Variants in EXOC4 observed in about 807,000 individuals in gnomAD.
EXOC4 encodes SEC8-like 1.
EXOC4 carries 71 observed loss-of-function variants against 107.2 expected under a neutral mutation model. The ratio of observed to expected loss-of-function variants is 0.66; its 90% CI spans 0.55 to 0.81. The LOEUF (loss-of-function observed/expected upper bound fraction) is 0.81. Ranked by LOEUF, EXOC4 falls within the 30% of genes least tolerant of loss-of-function variation. The pLI is 0.00. For missense variants in EXOC4, 1,108 were observed against 1,189.6 expected, an observed-to-expected ratio of 0.93 and a Z score of 1.01; for synonymous variants, 456 against 441.2, an observed-to-expected ratio of 1.03 and a Z score of -0.42.
At chr7:133,933,739 C>G (rs1424473425) in intron 13 of EXOC4, among the ~76,000 whole-genome samples, 1 of 152,172 alleles carries the variant, frequency 6.6e-6, no homozygotes, top group African/African-American at 2.4e-5. Flanking sequence ...AGACCAGCTT[C>G]AGGCCAGTGC....
intron 17 of EXOC4, among the ~76,000 whole-genome samples, chr7:134,047,871 C>A (rs1039881526): frequency 2.6e-5 from 4 of 152,346 alleles, no homozygotes; most frequent in African/African-American, 9.6e-5. Context: ...CAAATAAAGA[C>A]CATGGCCTTG....
intron 5 of EXOC4, among the ~76,000 whole-genome samples, chr7:133,336,807 C>T (rs1795527300): frequency 6.6e-6 from 1 of 151,718 alleles, no homozygotes; most frequent in Non-Finnish European, 1.5e-5. Context: ...CATCTTGGCT[C>T]ACTGCAACCT....
chr7:133,383,542 C>A (rs1796663852), intron 7 of EXOC4, among the ~76,000 whole-genome samples: 1 of 152,132 alleles, frequency 6.6e-6, no homozygotes, highest in Non-Finnish European at 1.5e-5. Context: ...AAATTAACCT[C>A]TTGCAGAGAG....
rs1585032922 is a variant in EXOC4, at chr7:133,613,939, G to C, written c.1418-16106G>C. 2.6e-5 allele frequency among the ~76,000 whole-genome samples: 4 copies of C among 152,250 alleles called. No homozygotes were observed. The East Asian group carries it at 7.7e-4, about 29-fold the overall frequency. ...AAGGAAGGTGAAGGATGTAAAGCTG[G>C]AGAATTTAATGCAAATTAAAAGGAT... On this transcript the variant is annotated intron_variant, in intron 9 of 17. Transcript: ENST00000253861.
intron 14 of EXOC4, among the ~76,000 whole-genome samples, chr7:133,956,210 A>G (rs138700553): frequency 2.6e-5 from 4 of 152,108 alleles, no homozygotes; most frequent in Non-Finnish European, 5.9e-5. Flanking sequence ...TTGTTTTTAG[A>G]TGAACACTGT....
At chr7:133,758,238 G>A (rs1305082486) in intron 10 of EXOC4, among the ~76,000 whole-genome samples, 1 of 152,020 alleles carries the variant, frequency 6.6e-6, no homozygotes, top group Non-Finnish European at 1.5e-5. Context: ...TCTGCCTCCC[G>A]AGTTCAAGCG....
chr7:133,427,143 A>G (rs1009153400), intron 7 of EXOC4, among the ~76,000 whole-genome samples: 4 of 152,022 alleles, frequency 2.6e-5, no homozygotes, highest in South Asian at 4.1e-4. Context: ...TTTGCAGTTC[A>G]TTAACTTGGA....
chr7:133,729,145 A>G (rs894229717), intron 10 of EXOC4, among the ~76,000 whole-genome samples: 3 of 152,146 alleles, frequency 2.0e-5, no homozygotes, highest in Admixed American at 6.5e-5. Context: ...TTCTTCCATT[A>G]TATTTCCTTA....
chr7:133,402,973 C>G (rs907739452), intron 7 of EXOC4, among the ~76,000 whole-genome samples: 1 of 150,162 alleles, frequency 6.7e-6, no homozygotes, highest in African/African-American at 2.5e-5. Flanking sequence ...CAACCTCTGA[C>G]TCCCTGGTTC....
chr7:134,063,958 C>T (rs1378046962), intron 17 of EXOC4, among the ~76,000 whole-genome samples: 2 of 152,170 alleles, frequency 1.3e-5, no homozygotes, highest in African/African-American at 4.8e-5. Context: ...TGCCTTCTCT[C>T]CTTCTTCAGG....
intron 7 of EXOC4, among the ~76,000 whole-genome samples, chr7:133,460,447 T>G (rs1285020722): frequency 6.6e-6 from 1 of 152,218 alleles, no homozygotes; most frequent in Non-Finnish European, 1.5e-5. Flanking sequence ...GCAGTTCATT[T>G]GATTAACCTT....
Position 134,037,109 on chromosome 7 carries a change from A to G in EXOC4, c.2688-27182A>G, listed in dbSNP as rs1468218375. 2.6e-5 allele frequency among the ~76,000 whole-genome samples: 4 copies of G among 152,196 alleles called. No homozygotes were observed. The East Asian group carries it at 7.7e-4, about 29-fold the overall frequency. ...TGAAAAGTGAGTCAAATTAGGGGGC[A>G]AGGCAGAGGAATTTAATTCTCATTT... is the stretch of plus-strand genomic sequence containing the variant. On this transcript the variant is annotated intron_variant, in intron 17 of 17. Transcript: ENST00000253861.
intron 7 of EXOC4, among the ~76,000 whole-genome samples, chr7:133,403,950 C>T (rs980534877): frequency 5.3e-5 from 8 of 152,122 alleles, no homozygotes; most frequent in Non-Finnish European, 1.0e-4. Flanking sequence ...CTCTCTGTCT[C>T]TCTCTAAGAC....
intron 14 of EXOC4, among the ~76,000 whole-genome samples, chr7:133,956,186 TTTTTTTCTTTG>T (rs1431561564): frequency 6.6e-6 from 1 of 152,220 alleles, no homozygotes; most frequent in Non-Finnish European, 1.5e-5. Flanking sequence ...TATGTTCTTT[TTTTTTTCTTTG>T]TTTTGTTTTT....
chr7:133,974,628 A>G (rs544644222), intron 14 of EXOC4, among the ~76,000 whole-genome samples: 20 of 152,306 alleles, frequency 1.3e-4, no homozygotes, highest in Admixed American at 1.2e-3. Context: ...CGTGCCCTGT[A>G]TTTGTCCCAT....
chr7:133,582,997 G>A (rs1295091766), intron 9 of EXOC4, among the ~76,000 whole-genome samples: 1 of 152,220 alleles, frequency 6.6e-6, no homozygotes, highest in Admixed American at 6.5e-5. Context: ...AGCTTTTTGA[G>A]AAATAATTCA....
At chr7:134,021,722 G>GAAAAAAAAAAAA (rs60762484) in intron 17 of EXOC4, among the ~76,000 whole-genome samples, 1 of 53,746 alleles carries the variant, frequency 1.9e-5, no homozygotes, top group Non-Finnish European at 3.5e-5. Context: ...AGTCAAACCA[G>GAAAAAAAAAAAA]AAAAAAAAAA....
At chr7:133,519,141 G>A (rs1799935442) in intron 9 of EXOC4, among the ~76,000 whole-genome samples, 1 of 152,136 alleles carries the variant, frequency 6.6e-6, no homozygotes, top group Non-Finnish European at 1.5e-5. Context: ...TAGGTTGGGT[G>A]TGATGGCTCA....
intron 11 of EXOC4, among the ~76,000 whole-genome samples, chr7:133,820,331 C>G (rs1173763908): frequency 6.6e-6 from 1 of 151,124 alleles, no homozygotes; most frequent in East Asian, 1.9e-4. Flanking sequence ...TTTTTCCTAT[C>G]TTTGGTATTT....
Sources: gnomAD v4.1 joint callset for allele counts (sites outside exome capture counted in the v4.1 genomes callset) on GRCh38, gnomAD v4.1.1 for gene constraint, MANE v1.5 for transcripts, NCBI Gene and HGNC (gene_info 2026-07-23, HGNC 2026-07-21) for gene names.